DTNB: variants seen among roughly 807,000 people sequenced by gnomAD.
The protein encoded by DTNB is dystrobrevin beta.
In DTNB, 63 loss-of-function variants were observed where a neutral mutation model predicts 90.7. The ratio of observed to expected loss-of-function variants is 0.69; its 90% confidence interval spans 0.57 to 0.86. The LOEUF (loss-of-function observed/expected upper bound fraction) is 0.86. DTNB is among the 40% of genes least tolerant of loss of function. The probability of loss-of-function intolerance (pLI) is 0.00; values close to 1 mark genes in which losing one functional copy is unlikely to be tolerated. For missense variants in DTNB, 744 were observed against 807.1 expected, an observed-to-expected ratio of 0.92 and a Z score of 0.95; for synonymous variants, 277 against 286.7, an observed-to-expected ratio of 0.97 and a Z score of 0.34.
intron 10 of DTNB, among the ~76,000 whole-genome samples, chr2:25,468,519 C>G (rs569632769): frequency 3.3e-5 from 5 of 152,228 alleles, no homozygotes. Context: ...AGCGCAAGGA[C>G]GGGAGTCCAA....
At chr2:25,641,885 G>A (rs858651) in intron 2 of DTNB, among the ~76,000 whole-genome samples, 73,403 of 151,952 alleles carry the variant, frequency 0.48, 18,597 homozygotes, top group East Asian at 0.79. Context: ...CAGTAGCACG[G>A]TCTCGGCTTA....
At position 25,652,597 on chromosome 2, in the gene DTNB, T is replaced by C; in HGVS notation, c.64A>G (p.Met22Val). ...MAEKRQLFIE[M>V]RAQNFDVIRL... ...TGAACAAGGACTCAAGACTCACGCA[T>C]TTCTATGAACAGCTGCCTCTTCTCT... is the stretch of plus-strand genomic sequence containing the variant. Residue 22 changes from methionine (M) to valine (V), a missense_variant, in exon 2 of 21, where the codon ATG becomes GTG. Met to Val is a conservative substitution (Grantham distance 21). Coordinates refer to ENST00000406818, the MANE Select transcript of DTNB (RefSeq NM_021907.5). 6.2e-7 allele frequency: 1 copy of C among 1,611,186 alleles called. No homozygotes were observed. The highest frequency in any genetic ancestry group is 1.1e-5 in the South Asian group (1 of 90,834).
intron 9 of DTNB, among the ~76,000 whole-genome samples, chr2:25,503,103 G>C (rs989560033): frequency 2.3e-5 from 3 of 130,056 alleles, no homozygotes; most frequent in African/African-American, 8.4e-5. Flanking sequence ...TCCAGACTGT[G>C]AAGCTACGAA....
intron 16 of DTNB, among the ~76,000 whole-genome samples, chr2:25,416,451 C>T (rs1251047580): frequency 6.6e-6 from 1 of 152,192 alleles, no homozygotes; most frequent in Non-Finnish European, 1.5e-5. Context: ...GCGGGCGGAT[C>T]AACTGAGGTC....
chr2:25,466,904 A>C lies in DTNB; in HGVS notation c.1080-11410T>G, dbSNP rs997650589. On this transcript the variant is annotated intron_variant, in intron 10 of 20. Transcript: ENST00000406818. ...CATGTTTCAAAGTGTTAGACCTTTA[A>C]GGAAGTCATCTCTGAAGAAGGTTAA... Among the ~76,000 whole-genome samples, 12 of 152,212 alleles carry C rather than the reference A, an allele frequency of 7.9e-5. 1 individual carries two copies. The highest frequency in any genetic ancestry group is 2.9e-5 in the Non-Finnish European group (2 of 68,034).
intron 9 of DTNB, among the ~76,000 whole-genome samples, chr2:25,510,955 T>C (rs1317174224): frequency 1.3e-5 from 2 of 152,252 alleles, no homozygotes; most frequent in Non-Finnish European, 2.9e-5. Flanking sequence ...TTCAAACCCA[T>C]GTGAAAGTGG....
At chr2:25,443,041 G>A (rs2057779029) in intron 12 of DTNB, among the ~76,000 whole-genome samples, 1 of 152,166 alleles carries the variant, frequency 6.6e-6, no homozygotes. Flanking sequence ...CATATAAGCT[G>A]AATGAGTTTA....
chr2:25,461,809 G>A (rs115676721), intron 10 of DTNB, among the ~76,000 whole-genome samples: 122 of 152,322 alleles, frequency 8.0e-4, no homozygotes, highest in African/African-American at 2.9e-3. Context: ...GTGTTTTGAT[G>A]AGCGGGGACA....
Position 25,434,014 on chromosome 2 carries a change from G to T in DTNB, c.1258-19C>A. 1 of 1,586,708 alleles carries T rather than the reference G, an allele frequency of 6.3e-7. No individual in the cohort carries two copies. Among genetic ancestry groups the T allele is most frequent in the South Asian group, 1.1e-5 (1 of 87,998 alleles). ...GACGAGTCTAAAGTGGGGAAGTCGG[G>T]AGAAAGTTTTTTTTTTTCTGATCCA... On this transcript the variant is annotated intron_variant, in intron 12 of 20. Coordinates refer to ENST00000406818, the MANE Select transcript of DTNB (RefSeq NM_021907.5).
At chr2:25,484,230 T>G (rs960142270) in intron 9 of DTNB, among the ~76,000 whole-genome samples, 30 of 152,254 alleles carry the variant, frequency 2.0e-4, no homozygotes, top group Non-Finnish European at 4.1e-4. Context: ...TCCCCCATTG[T>G]TAAGTTATGC....
At chr2:25,468,453 C>A (rs991219792) in intron 10 of DTNB, among the ~76,000 whole-genome samples, 2 of 152,182 alleles carry the variant, frequency 1.3e-5, no homozygotes, top group African/African-American at 4.8e-5. Flanking sequence ...AGCTGCTCCT[C>A]CACTGGGTCT....
intron 16 of DTNB, among the ~76,000 whole-genome samples, chr2:25,412,107 T>C (rs2149732194): frequency 6.6e-6 from 1 of 152,352 alleles, no homozygotes; most frequent in African/African-American, 2.4e-5. Flanking sequence ...TGAAAGTACT[T>C]TCTCTTAAAC....
chr2:25,571,420 T>C (rs1387648575), intron 8 of DTNB, among the ~76,000 whole-genome samples: 1 of 152,168 alleles, frequency 6.6e-6, no homozygotes, highest in Non-Finnish European at 1.5e-5. Context: ...CAATGGTCAA[T>C]GGGCCCACAT....
chr2:25,571,816 G>T (rs1021486924), intron 8 of DTNB, among the ~76,000 whole-genome samples: 4 of 151,988 alleles, frequency 2.6e-5, no homozygotes, highest in Admixed American at 2.6e-4. Context: ...GCAGTGGGGG[G>T]TAAAGACAGA....
chr2:25,652,113 T>C (rs1294731787), intron 2 of DTNB, among the ~76,000 whole-genome samples: 1 of 152,198 alleles, frequency 6.6e-6, no homozygotes, highest in Admixed American at 6.5e-5. Flanking sequence ...TATACAACAA[T>C]GTAAATTTTA....
intron 8 of DTNB, among the ~76,000 whole-genome samples, chr2:25,555,897 G>C (rs1386112092): frequency 6.6e-6 from 1 of 152,096 alleles, no homozygotes; most frequent in East Asian, 1.9e-4. Context: ...GCGTGTGCCT[G>C]TAATCCCAGC....
chr2:25,596,229 G>GGGAGAAAACATCTATGA lies in DTNB; in HGVS notation c.449-6_459dup (p.Gln154SerfsTer2). 6.2e-7 allele frequency: 1 copy of GGGAGAAAACATCTATGA among 1,605,728 alleles called. No homozygotes were observed. The highest frequency in any genetic ancestry group is 8.5e-7 in the Non-Finnish European group (1 of 1,176,828). ...ATTAAGCCATTGGAATCTGACATCT[G>GGGAGAAAACATCTATGA]GGAGAAAACATCTATGAGAACAAAA... On this transcript the variant is annotated stop_gained and frameshift_variant, in exon 6 of 21. Transcript: ENST00000406818. LOFTEE classifies it high-confidence loss of function.
intron 4 of DTNB, among the ~76,000 whole-genome samples, chr2:25,611,218 C>A (rs1403319326): frequency 1.3e-5 from 2 of 152,190 alleles, no homozygotes; most frequent in African/African-American, 4.8e-5. Flanking sequence ...TTTATCCATT[C>A]TCTTACTGAG....
At chr2:25,661,201 G>A (rs2083109168) in intron 1 of DTNB, among the ~76,000 whole-genome samples, 1 of 152,112 alleles carries the variant, frequency 6.6e-6, no homozygotes, top group African/African-American at 2.4e-5. Flanking sequence ...GCAAAAGTTT[G>A]CCTAAGTTAA....
Sources: allele counts gnomAD v4.1 joint callset (sites outside exome capture counted in the v4.1 genomes callset), GRCh38; gene constraint gnomAD v4.1.1; transcripts MANE v1.5; gene names NCBI Gene and HGNC (gene_info 2026-07-23, HGNC 2026-07-21).